The following TEAD1 variants were observed in gnomAD, a reference collection of about 807,000 sequenced individuals.
TEAD1 encodes transcriptional enhancer factor TEF-1.
Under a neutral mutation model 54.9 loss-of-function variants are expected in TEAD1, and 9 were observed. The observed-to-expected ratio is 0.16, with a 90% CI of 0.10 to 0.29. The LOEUF is 0.29. Ranked by LOEUF, TEAD1 falls within the 10% of genes least tolerant of loss-of-function variation. TEAD1 has a pLI of 1.00. For synonymous variants in TEAD1, 200 were observed against 187.8 expected (o/e 1.07, Z -0.53); for missense variants, 387 against 535.9 (o/e 0.72, Z 2.74).
intron 12 of TEAD1, among the ~76,000 whole-genome samples, chr11:12,932,659 TC>T (rs1949030724): frequency 6.6e-6 from 1 of 152,136 alleles, no homozygotes; most frequent in Admixed American, 6.6e-5. Context: ...GGTGAAAAAT[TC>T]CTGTCACCTA....
intron 2 of TEAD1, among the ~76,000 whole-genome samples, chr11:12,751,349 A>G (rs1346493893): frequency 6.6e-6 from 1 of 152,112 alleles, no homozygotes; most frequent in Non-Finnish European, 1.5e-5. Context: ...AGATCTCACA[A>G]ATCCTCAAAG....
At chr11:12,910,541 G>T (rs1410646924) in intron 10 of TEAD1, among the ~76,000 whole-genome samples, 3 of 152,144 alleles carry the variant, frequency 2.0e-5, no homozygotes, top group Non-Finnish European at 4.4e-5. Flanking sequence ...TTACGGATTT[G>T]TATCATGTTG....
At chr11:12,713,960 C>T (rs1423811026) in intron 2 of TEAD1, among the ~76,000 whole-genome samples, 1 of 152,218 alleles carries the variant, frequency 6.6e-6, no homozygotes, top group Non-Finnish European at 1.5e-5. Flanking sequence ...TCATGCCTCA[C>T]TTTGATGAAT....
intron 5 of TEAD1, among the ~76,000 whole-genome samples, chr11:12,871,836 T>C (rs2134082658): frequency 6.6e-6 from 1 of 152,218 alleles, no homozygotes; most frequent in East Asian, 1.9e-4. Context: ...GGAATACATC[T>C]TAGGCAGTAG....
chr11:12,912,766 G>A (rs1270502387), intron 10 of TEAD1, among the ~76,000 whole-genome samples: 2 of 151,786 alleles, frequency 1.3e-5, no homozygotes, highest in Non-Finnish European at 2.9e-5. Flanking sequence ...TTAAACCTTT[G>A]ACTCTGAAGT....
chr11:12,764,040 C>A, intron 2 of TEAD1, 139 bp from the exon 3 acceptor site: 1 of 622,776 alleles, frequency 1.6e-6, no homozygotes, highest in Non-Finnish European at 2.7e-6. Flanking sequence ...TAACCCAAAA[C>A]CATGTGTATC....
chr11:12,784,705 G>C (rs535140290), intron 3 of TEAD1, among the ~76,000 whole-genome samples: 1 of 152,304 alleles, frequency 6.6e-6, no homozygotes, highest in Non-Finnish European at 1.5e-5. Context: ...GTTCCTTTCT[G>C]TGGCCCCCTA....
intron 10 of TEAD1, among the ~76,000 whole-genome samples, chr11:12,910,427 A>G (rs1415026849): frequency 2.0e-5 from 3 of 152,236 alleles, no homozygotes; most frequent in Non-Finnish European, 2.9e-5. Flanking sequence ...CTATTCATAA[A>G]CATTATAACC....
chr11:12,778,976 G>T (rs1409281618), intron 3 of TEAD1, among the ~76,000 whole-genome samples: 1 of 152,152 alleles, frequency 6.6e-6, no homozygotes, highest in East Asian at 1.9e-4. Flanking sequence ...CTGAGATGTT[G>T]TGAACTAGAG....
intron 9 of TEAD1, among the ~76,000 whole-genome samples, chr11:12,891,574 G>GA (rs1436581814): frequency 6.6e-6 from 1 of 152,238 alleles, no homozygotes; most frequent in Non-Finnish European, 1.5e-5. Context: ...TGGAACAGAG[G>GA]AGGAAGCAGG....
chr11:12,907,081 C>CT (rs1275114250), intron 10 of TEAD1, among the ~76,000 whole-genome samples: 4 of 152,106 alleles, frequency 2.6e-5, no homozygotes, highest in African/African-American at 9.7e-5. Flanking sequence ...TGCTAAACTT[C>CT]TTTTTTATGT....
intron 2 of TEAD1, among the ~76,000 whole-genome samples, chr11:12,715,258 A>G (rs1466148340): frequency 2.6e-5 from 4 of 152,106 alleles, no homozygotes; most frequent in Non-Finnish European, 5.9e-5. Flanking sequence ...TTCCTTCACC[A>G]GAGACAAAAC....
intron 8 of TEAD1, 133 bp from the exon 9 acceptor site, chr11:12,882,868 C>G (rs1948000160): frequency 7.4e-7 from 1 of 1,354,894 alleles, no homozygotes; most frequent in Non-Finnish European, 1.0e-6. Context: ...TCTGAGTTAT[C>G]CTGGCCAGAG....
intron 2 of TEAD1, among the ~76,000 whole-genome samples, chr11:12,760,202 G>C (rs183574745): frequency 6.6e-6 from 1 of 152,184 alleles, no homozygotes; most frequent in Admixed American, 6.5e-5. Context: ...ATGAACATCT[G>C]TTCATAGTTT....
intron 10 of TEAD1, among the ~76,000 whole-genome samples, chr11:12,909,873 GTTA>G (rs2068394273): frequency 6.6e-6 from 1 of 152,174 alleles, no homozygotes; most frequent in Admixed American, 6.5e-5. Flanking sequence ...CATTGAAATT[GTTA>G]TTATGGTTCA....
intron 2 of TEAD1, among the ~76,000 whole-genome samples, chr11:12,731,513 G>A (rs1231829649): frequency 6.6e-6 from 1 of 151,932 alleles, no homozygotes; most frequent in Non-Finnish European, 1.5e-5. Context: ...TTTCTGGTAG[G>A]TGGAATTTTA....
intron 3 of TEAD1, among the ~76,000 whole-genome samples, chr11:12,800,250 A>G (rs1026480634): frequency 2.0e-5 from 3 of 152,184 alleles, no homozygotes; most frequent in Non-Finnish European, 2.9e-5. Flanking sequence ...TCACCAGTGC[A>G]GGAGAATGAA....
intron 10 of TEAD1, 50 bp downstream of exon 10, chr11:12,902,163 A>G (rs1286165341): frequency 1.1e-5 from 17 of 1,608,162 alleles, no homozygotes; most frequent in South Asian, 5.5e-5. Flanking sequence ...GAATGGTCAC[A>G]TCTCTTACAT....
At chr11:12,877,988 G>A (rs1162252891) in intron 5 of TEAD1, among the ~76,000 whole-genome samples, 1 of 151,812 alleles carries the variant, frequency 6.6e-6, no homozygotes, top group Admixed American at 6.6e-5. Context: ...GTGTGTGTGT[G>A]TGGAGACAGG....
Sources: allele counts gnomAD v4.1 joint callset (sites outside exome capture counted in the v4.1 genomes callset), GRCh38; gene constraint gnomAD v4.1.1; transcripts MANE v1.5; gene names NCBI Gene and HGNC (gene_info 2026-07-23, HGNC 2026-07-21).